MYZAP: variants seen among roughly 807,000 people sequenced by gnomAD.
MYZAP encodes the protein myocardial zonula adherens protein, also known as GRINL1A complex locus upstream.
In MYZAP, 66 loss-of-function variants were observed where a neutral mutation model predicts 69.4. That is an observed-to-expected ratio of 0.95 (90% CI 0.78 to 1.17). The LOEUF (loss-of-function observed/expected upper bound fraction) is 1.17. MYZAP is among the 50% of genes most tolerant of loss of function. The probability of loss-of-function intolerance (pLI) is 0.00; values close to 1 mark genes in which losing one functional copy is unlikely to be tolerated. For synonymous variants in MYZAP, 256 were observed against 205.9 expected (o/e 1.24, Z -2.09); for missense variants, 611 against 556.2 (o/e 1.10, Z -0.99).
At chr15:57,654,285 G>C (rs2037891504) in intron 10 of MYZAP, among the ~76,000 whole-genome samples, 1 of 151,952 alleles carries the variant, frequency 6.6e-6, no homozygotes, top group South Asian at 2.1e-4. Context: ...CATCATGGCT[G>C]GTTTTCCTTT....
In MYZAP at chr15:57,684,781, G is replaced by C. The variant is rs1469053134; in HGVS notation, c.*283G>C. 2 of 252,720 alleles carry C rather than the reference G, an allele frequency of 7.9e-6. No homozygotes were observed. Among genetic ancestry groups the C allele is most frequent in the Non-Finnish European group, 1.5e-5 (2 of 134,174 alleles). 15.7% of individuals were successfully genotyped at this position (252,720 alleles called of 1,614,324 possible). ...GTAGACACTGAAATCCTATCAGGAGGATTCCTTCACAATGTATTTTATTTG... is the reference window on the plus strand; with the variant it reads ...GTAGACACTGAAATCCTATCAGGAGCATTCCTTCACAATGTATTTTATTTG... On this transcript the variant is annotated 3_prime_UTR_variant, in exon 13 of 13. Transcript: ENST00000267853.
rs1387305921 is a variant in MYZAP, at chr15:57,646,265, T to A, written c.1119+6720T>A. On this transcript the variant is annotated intron_variant, in intron 10 of 12. Transcript: ENST00000267853. ...ATTAGAAGAACACTTGTACACTCTC[T>A]GCTGGGAAGAGGTGGTATTTATCTA... The A allele has an allele frequency of 4.7e-6, 6 of 1,284,084 alleles. No individual in the cohort carries two copies. In the African/African-American group the frequency reaches 9.1e-5, roughly 20 times the overall value. 79.5% of individuals were successfully genotyped at this position (1,284,084 alleles called of 1,614,324 possible).
intron 8 of MYZAP, among the ~76,000 whole-genome samples, chr15:57,634,687 C>T (rs1197074392): frequency 6.6e-6 from 1 of 152,208 alleles, no homozygotes; most frequent in African/African-American, 2.4e-5. Flanking sequence ...GCATGAAATT[C>T]AGTTCTGTGG....
At chr15:57,646,499 A>T in intron 10 of MYZAP, 1 of 1,030,548 alleles carries the variant, frequency 9.7e-7, no homozygotes, top group Non-Finnish European at 1.2e-6. Context: ...AAGGCTACTG[A>T]AAAACCATTC....
At chr15:57,676,118 G>A (rs2039100264) in intron 12 of MYZAP, among the ~76,000 whole-genome samples, 1 of 151,956 alleles carries the variant, frequency 6.6e-6, no homozygotes, top group Non-Finnish European at 1.5e-5. Flanking sequence ...CTGGGGCCTC[G>A]GTTTCTCAAC....
chr15:57,599,376 C>G (rs184137221), intron 1 of MYZAP: 2 of 827,058 alleles, frequency 2.4e-6, no homozygotes, highest in Non-Finnish European at 2.9e-6. Context: ...TTGCCATCGT[C>G]GTACCCTCAT....
Position 57,664,219 on chromosome 15 carries a change from TA to T in MYZAP, c.1203+2687del, listed in dbSNP as rs570868084. 4.0e-3 allele frequency among the ~76,000 whole-genome samples: 602 copies of T among 152,282 alleles called. 6 individuals are homozygous for T. Among genetic ancestry groups the T allele is most frequent in the Non-Finnish European group, 4.4e-3 (299 of 68,010 alleles). On this transcript the variant is annotated intron_variant, in intron 11 of 12. Transcript: ENST00000267853. ...GATACCTTCTCTAAATTGCTAAGAT[TA>T]GAGGATGTGGGTTACATAGGTTCTT...
At chr15:57,675,341 CTTCA>C (rs1309571425) in intron 12 of MYZAP, among the ~76,000 whole-genome samples, 1 of 152,038 alleles carries the variant, frequency 6.6e-6, no homozygotes, top group Non-Finnish European at 1.5e-5. Context: ...TCCTTCCTTC[CTTCA>C]TTCATTCAAC....
chr15:57,659,943 T>A lies in MYZAP; in HGVS notation c.1120-1507T>A, dbSNP rs558093733. On this transcript the variant is annotated intron_variant, in intron 10 of 12. Transcript: ENST00000267853. The stretch of plus-strand genomic sequence containing the variant: ...TTAATAATTAGGGTTCATTTTGTCT[T>A]TGCAGTGTTTCTTTTGCAAATACAT... Among the ~76,000 whole-genome samples, 3 of 152,306 alleles carry A rather than the reference T, an allele frequency of 2.0e-5. No homozygotes were observed. The South Asian group carries it at 6.2e-4, about 32-fold the overall frequency.
intron 1 of MYZAP, among the ~76,000 whole-genome samples, chr15:57,603,924 G>A (rs577546917): frequency 6.6e-6 from 1 of 152,268 alleles, no homozygotes; most frequent in Non-Finnish European, 1.5e-5. Context: ...GTATATTTTG[G>A]CTTCTTTCCC....
At position 57,591,939 on chromosome 15, in the gene MYZAP, C is replaced by G; in HGVS notation, c.-96C>G. Reference sequence around the variant, plus strand: ...CAGCTGAGGCTGCAAGTAGCCGGCGCCGTCCCGCGTCGCCCCCGCGCAGGG... The same window carrying G: ...CAGCTGAGGCTGCAAGTAGCCGGCGGCGTCCCGCGTCGCCCCCGCGCAGGG... On this transcript the variant is annotated 5_prime_UTR_variant, in exon 1 of 13. Transcript: ENST00000267853. The G allele has an allele frequency of 8.6e-7, 1 of 1,157,110 alleles. No individual in the cohort carries two copies. The highest frequency in any genetic ancestry group is 3.5e-5 in the East Asian group (1 of 28,336). The allele number at this position is 1,157,110 out of a possible 1,614,324, so 71.7% of individuals were successfully genotyped here.
intron 11 of MYZAP, among the ~76,000 whole-genome samples, chr15:57,669,616 C>T (rs1036809355): frequency 4.6e-5 from 7 of 152,026 alleles, no homozygotes; most frequent in Middle Eastern, 6.3e-3. Flanking sequence ...TTCTCCATTG[C>T]TTGTCTGCTT....
chr15:57,618,426 A>T (rs908843886), intron 3 of MYZAP, among the ~76,000 whole-genome samples: 6 of 152,250 alleles, frequency 3.9e-5, no homozygotes, highest in African/African-American at 1.4e-4. Flanking sequence ...AAGTATACTC[A>T]GGAGAGCAGA....
intron 6 of MYZAP, among the ~76,000 whole-genome samples, chr15:57,630,417 C>T (rs956490681): frequency 2.6e-5 from 4 of 152,164 alleles, no homozygotes; most frequent in Non-Finnish European, 4.4e-5. Context: ...ACGTCAGAAG[C>T]CTTGGAGATC....
At chr15:57,677,020 G>T (rs749553338) in intron 12 of MYZAP, among the ~76,000 whole-genome samples, 1 of 152,164 alleles carries the variant, frequency 6.6e-6, no homozygotes, top group Non-Finnish European at 1.5e-5. Context: ...TATTTCATTC[G>T]TTTCCTCGCA....
intron 9 of MYZAP, 40 bp from the exon 10 acceptor site, chr15:57,639,400 G>A: frequency 6.2e-7 from 1 of 1,605,240 alleles, no homozygotes; most frequent in South Asian, 1.1e-5. Context: ...TTGCTGCTTT[G>A]GTTTAGGACT....
Position 57,656,907 on chromosome 15 carries a change from C to T in MYZAP, c.1120-4543C>T, listed in dbSNP as rs191491562. On this transcript the variant is annotated intron_variant, in intron 10 of 12. Coordinates refer to ENST00000267853, the MANE Select transcript of MYZAP (RefSeq NM_001018100.5). ...TGAGCCTTGTTAGAAGCTGCCGCAC[C>T]CTCAAATCCTACTCCTGTCCAGCTC... is the stretch of plus-strand genomic sequence containing the variant. Among the ~76,000 whole-genome samples, 335 of 152,262 alleles carry T rather than the reference C, an allele frequency of 2.2e-3. 1 individual carries two copies. The highest frequency in any genetic ancestry group is 7.8e-3 in the African/African-American group (323 of 41,546).
rs570077291 is a variant in MYZAP, at chr15:57,680,670, T to G, written c.1305-3732T>G. 9.8e-5 allele frequency: 15 copies of G among 152,356 alleles called. 1 individual carries two copies. The highest frequency in any genetic ancestry group is 4.6e-4 in the Admixed American group (7 of 15,298). 9.4% of individuals were successfully genotyped at this position (152,356 alleles called of 1,614,324 possible). ...CGAAAGGAAAAGTGACTTTTCTTTC[T>G]TCTGCCCTGTAGTGAAACTTGGTTT... On this transcript the variant is annotated intron_variant, in intron 12 of 12. Transcript: ENST00000267853.
rs149348916 is a variant in MYZAP at position 57,598,743 on chromosome 15, A to G, written c.76-5526A>G. The stretch of plus-strand genomic sequence containing the variant: ...TAGTTCAGCCCCTATCTGTTTGTCC[A>G]TTTGCCTGTCCTACCCAGGCTTAGG... On this transcript the variant is annotated intron_variant, in intron 1 of 12. Coordinates refer to ENST00000267853, the MANE Select transcript of MYZAP (RefSeq NM_001018100.5). Among the ~76,000 whole-genome samples the G allele has an allele frequency of 3.2e-4, 48 of 152,160 alleles. No homozygotes were observed. In the East Asian group the frequency reaches 4.8e-3, roughly 15 times the overall value.
Sources: gnomAD v4.1 joint callset for allele counts (sites outside exome capture counted in the v4.1 genomes callset) on GRCh38, gnomAD v4.1.1 for gene constraint, MANE v1.5 for transcripts, NCBI Gene and HGNC (gene_info 2026-07-23, HGNC 2026-07-21) for gene names.